Variants in FHOD3 observed in about 807,000 individuals in gnomAD.
FHOD3 encodes the protein FH1/FH2 domain-containing protein 3.
In FHOD3, 90 loss-of-function variants were observed where a neutral mutation model predicts 173.0. That is an observed-to-expected ratio of 0.52 (90% confidence interval 0.44 to 0.62). The LOEUF (loss-of-function observed/expected upper bound fraction) is 0.62, where lower values mean the gene tolerates loss of function less well. Among genes scored for constraint, FHOD3 ranks in the 20% least tolerant of loss-of-function variants. FHOD3 has a pLI of 0.00. For missense variants in FHOD3, 1,945 were observed against 2,034.7 expected, an observed-to-expected ratio of 0.96 and a Z score of 0.85; for synonymous variants, 828 against 823.0, an observed-to-expected ratio of 1.01 and a Z score of -0.10.
At chr18:36,763,270 A>G (rs1209582946) in intron 27 of FHOD3, among the ~76,000 whole-genome samples, 3 of 144,716 alleles carry the variant, frequency 2.1e-5, no homozygotes, top group Non-Finnish European at 3.0e-5. Context: ...TATGCGTATT[A>G]TACACGTTAT....
rs545197341 is a variant in FHOD3, at chr18:36,513,224, C to G, written c.511+681C>G. Among the ~76,000 whole-genome samples the G allele has an allele frequency of 3.3e-5, 5 of 150,358 alleles. No individual in the cohort carries two copies. In the South Asian group the frequency reaches 1.1e-3, roughly 32 times the overall value. On this transcript the variant is annotated intron_variant, in intron 5 of 28. Coordinates refer to ENST00000590592, the MANE Select transcript of FHOD3 (RefSeq NM_001281740.3). ...ATAACAAACCTGTGCATAGGCAGGG[C>G]AGGAATGATTAGGTTGAACCGTATG...
chr18:36,436,163 G>GTATGA (rs1464146235), intron 3 of FHOD3, among the ~76,000 whole-genome samples: 3 of 152,190 alleles, frequency 2.0e-5, no homozygotes, highest in African/African-American at 7.2e-5. Flanking sequence ...GCATGCTGAG[G>GTATGA]TATGACAGTT....
intron 3 of FHOD3, among the ~76,000 whole-genome samples, chr18:36,375,289 TCTC>T (rs2047384519): frequency 6.6e-6 from 1 of 152,234 alleles, no homozygotes. Flanking sequence ...CTTTGTTTCT[TCTC>T]AAGGTTATTT....
intron 9 of FHOD3, among the ~76,000 whole-genome samples, chr18:36,615,979 G>C (rs1874379): frequency 0.98 from 148,695 of 152,336 alleles, 72,689 homozygotes; most frequent in East Asian, 1. Context: ...CTCTTTGTGC[G>C]CTGCTCTGGG....
At chr18:36,544,810 A>G (rs1408856192) in intron 5 of FHOD3, 2 of 152,190 alleles carry the variant, frequency 1.3e-5, no homozygotes, top group Non-Finnish European at 1.5e-5. Flanking sequence ...CTTTGAACAG[A>G]GCAATGGGTA....
intron 3 of FHOD3, among the ~76,000 whole-genome samples, chr18:36,395,092 C>T (rs2048484930): frequency 6.6e-6 from 1 of 151,944 alleles, no homozygotes; most frequent in Admixed American, 6.6e-5. Context: ...ATATCACACT[C>T]AGAGAAATAT....
At chr18:36,359,502 T>C (rs2046508822) in intron 2 of FHOD3, among the ~76,000 whole-genome samples, 1 of 152,084 alleles carries the variant, frequency 6.6e-6, no homozygotes, top group Non-Finnish European at 1.5e-5. Context: ...TACAGGTTAT[T>C]TTTCCTGACG....
chr18:36,595,033 G>A (rs545132312), intron 7 of FHOD3, 135 bp downstream of exon 7: 22 of 600,288 alleles, frequency 3.7e-5, no homozygotes, highest in East Asian at 3.0e-4. Context: ...TGCAAGAAAC[G>A]TTTTTTAGGA....
intron 3 of FHOD3, among the ~76,000 whole-genome samples, chr18:36,402,283 T>C (rs16967816): frequency 0.44 from 67,041 of 151,894 alleles, 15,277 homozygotes; most frequent in East Asian, 0.68. Context: ...TTCTTGAGCG[T>C]AGCTGGCTCA....
At chr18:36,446,146 C>T (rs1782304911) in intron 3 of FHOD3, among the ~76,000 whole-genome samples, 1 of 152,154 alleles carries the variant, frequency 6.6e-6, no homozygotes, top group South Asian at 2.1e-4. Context: ...CAGGGCTCTT[C>T]CCCAAGGAGC....
intron 19 of FHOD3, among the ~76,000 whole-genome samples, chr18:36,721,679 C>T (rs2040799457): frequency 6.6e-6 from 1 of 152,158 alleles, no homozygotes; most frequent in Admixed American, 6.5e-5. Flanking sequence ...CCCCACATTA[C>T]ACTGGAGAGC....
At chr18:36,777,036 C>A (rs1465655910) in intron 28 of FHOD3, among the ~76,000 whole-genome samples, 1 of 152,128 alleles carries the variant, frequency 6.6e-6, no homozygotes, top group Admixed American at 6.5e-5. Context: ...TCTTTAAATA[C>A]CTTCATGGGT....
chr18:36,658,229 G>T (rs779100710), intron 14 of FHOD3, 41 bp downstream of exon 14: 10 of 1,352,912 alleles, frequency 7.4e-6, no homozygotes, highest in Non-Finnish European at 8.1e-6. Flanking sequence ...CAGTCCTCAA[G>T]TGAGGGGAAT....
intron 3 of FHOD3, among the ~76,000 whole-genome samples, chr18:36,465,785 A>G (rs1335182442): frequency 1.3e-5 from 2 of 151,898 alleles, no homozygotes; most frequent in Non-Finnish European, 2.9e-5. Flanking sequence ...GGTGGGTTCA[A>G]TTTGTACTGC....
chr18:36,690,503 T>C (rs1355387238), intron 16 of FHOD3, among the ~76,000 whole-genome samples: 2 of 152,090 alleles, frequency 1.3e-5, no homozygotes, highest in African/African-American at 4.8e-5. Context: ...TAAGTCATTG[T>C]CTAGGAAAAG....
At chr18:36,558,958 G>T (rs758150605) in intron 5 of FHOD3, among the ~76,000 whole-genome samples, 8 of 152,094 alleles carry the variant, frequency 5.3e-5, no homozygotes, top group Non-Finnish European at 1.0e-4. Flanking sequence ...GCTCTGCTCA[G>T]TGCTCAGCCC....
Position 36,718,707 on chromosome 18 carries a change from G to A in FHOD3, c.3409G>A (p.Val1137Ile), listed in dbSNP as rs1374684060. 2 of 1,612,116 alleles carry A rather than the reference G, an allele frequency of 1.2e-6. No homozygotes were observed. The highest frequency in any genetic ancestry group is 2.2e-5 in the South Asian group (2 of 90,934). Residue 1137 changes from valine (V) to isoleucine (I), a missense_variant, in exon 19 of 29, where the codon GTC (valine) becomes ATC (isoleucine). Val to Ile is a conservative substitution (Grantham distance 29). Transcript: ENST00000590592. Reference sequence around the variant, plus strand: ...TGAGTCTAAATCCAAGGAACTGTCTGTCTCAAAGGTACTGCTAGTCTTCAG... The same window carrying A: ...TGAGTCTAAATCCAAGGAACTGTCTATCTCAAAGGTACTGCTAGTCTTCAG... ...LFESKSKELS[V>I]SKKTAADGKR...
chr18:36,310,363 G>A (rs2092223104), intron 1 of FHOD3, among the ~76,000 whole-genome samples: 1 of 152,180 alleles, frequency 6.6e-6, no homozygotes. Context: ...TCATGTCAAA[G>A]TGTGACATAG....
chr18:36,719,604 T>C (rs546827271), intron 19 of FHOD3, among the ~76,000 whole-genome samples: 64 of 152,378 alleles, frequency 4.2e-4, no homozygotes, highest in African/African-American at 1.5e-3. Context: ...TTGTAAAGCA[T>C]AATTTAGAAT....
Sources: allele counts gnomAD v4.1 joint callset (sites outside exome capture counted in the v4.1 genomes callset), GRCh38; gene constraint gnomAD v4.1.1; transcripts MANE v1.5; gene names NCBI Gene and HGNC (gene_info 2026-07-23, HGNC 2026-07-21).